Variants in CFAP263 observed in about 807,000 individuals in gnomAD.
The protein encoded by CFAP263 is cilia and flagella associated protein 263.
chr16:58,257,014 C>CTTTTTT, the CFAP263 span, among the ~76,000 whole-genome samples: 13 of 41,918 alleles, frequency 3.1e-4, 3 homozygotes, highest in African/African-American at 1.1e-3. Flanking sequence ...ATATGAATTT[C>CTTTTTT]TTTTTTTTTT....
chr16:58,279,917 GC>G, the CFAP263 span: 1 of 685,668 alleles, frequency 1.5e-6, no homozygotes, highest in Non-Finnish European at 2.4e-6. Flanking sequence ...CATCTCCTGG[GC>G]CACATCTGCC....
the CFAP263 span, among the ~76,000 whole-genome samples, chr16:58,267,185 TAGAGAGGTTCTGGGACCTCCCC>T: frequency 3.9e-5 from 6 of 152,152 alleles, no homozygotes; most frequent in Non-Finnish European, 8.8e-5. Flanking sequence ...GACCCAAGTT[TAGAGAGGTTCTGGGACCTCCCC>T]AGAGATCTCC....
the CFAP263 span, chr16:58,262,596 T>A: frequency 6.7e-7 from 1 of 1,498,542 alleles, no homozygotes; most frequent in South Asian, 1.3e-5. Flanking sequence ...CTCACCTTTC[T>A]GGCCACAGGG....
chr16:58,266,880 GA>G, the CFAP263 span, among the ~76,000 whole-genome samples: 1 of 152,192 alleles, frequency 6.6e-6, no homozygotes, highest in East Asian at 1.9e-4. Flanking sequence ...CTCGTTAGGC[GA>G]TGAGATGGTG....
At chr16:58,252,920 A>T in the CFAP263 span, 2 of 1,551,166 alleles carry the variant, frequency 1.3e-6, no homozygotes, top group African/African-American at 2.7e-5. Flanking sequence ...GTATTTGTTT[A>T]TCTGCCTTTG....
At chr16:58,280,553 A>G in the CFAP263 span, 1 of 1,614,176 alleles carries the variant, frequency 6.2e-7, no homozygotes, top group East Asian at 2.2e-5. Flanking sequence ...TGGTGGGAGA[A>G]AGAAATCAAC....
the CFAP263 span, among the ~76,000 whole-genome samples, chr16:58,261,793 A>G: frequency 1.3e-5 from 2 of 152,334 alleles, no homozygotes; most frequent in Admixed American, 6.5e-5. Flanking sequence ...GTTGTCTACC[A>G]CAGATATAAA....
the CFAP263 span, among the ~76,000 whole-genome samples, chr16:58,273,776 T>G: frequency 2.6e-5 from 4 of 152,182 alleles, no homozygotes; most frequent in Non-Finnish European, 5.9e-5. Context: ...TTAGGTGATA[T>G]AGGAATTCTT....
the CFAP263 span, among the ~76,000 whole-genome samples, chr16:58,275,167 G>T: frequency 2.0e-5 from 3 of 151,886 alleles, no homozygotes; most frequent in Admixed American, 2.0e-4. Context: ...TTAAATTATT[G>T]GTTTGTTTTA....
the CFAP263 span, among the ~76,000 whole-genome samples, chr16:58,263,264 T>G: frequency 6.6e-6 from 1 of 152,204 alleles, no homozygotes; most frequent in Non-Finnish European, 1.5e-5. Flanking sequence ...ATAACCAATT[T>G]GATTATAGAA....
the CFAP263 span, chr16:58,279,939 G>A: frequency 3.3e-3 from 2,108 of 645,216 alleles, 28 homozygotes; most frequent in African/African-American, 0.035. Flanking sequence ...CATGGGGAGT[G>A]TTTTCACAGC....
the CFAP263 span, among the ~76,000 whole-genome samples, chr16:58,253,439 G>A: frequency 6.6e-6 from 1 of 151,972 alleles, no homozygotes; most frequent in Non-Finnish European, 1.5e-5. Context: ...TGTTTACAAG[G>A]CCCAGCCAGC....
the CFAP263 span, chr16:58,279,555 C>G: frequency 1.5e-6 from 1 of 673,800 alleles, no homozygotes; most frequent in African/African-American, 1.8e-5. Flanking sequence ...CACGCTGCCC[C>G]ACACAGGGTT....
chr16:58,260,947 T>C, the CFAP263 span, among the ~76,000 whole-genome samples: 19 of 152,216 alleles, frequency 1.2e-4, no homozygotes, highest in East Asian at 3.5e-3. Flanking sequence ...TAAAGTCAGC[T>C]CAGGTGGTGG....
chr16:58,275,835 G>C, the CFAP263 span, among the ~76,000 whole-genome samples: 1 of 151,940 alleles, frequency 6.6e-6, no homozygotes, highest in African/African-American at 2.4e-5. Flanking sequence ...AATTAATTCA[G>C]GTATATCAGA....
the CFAP263 span, among the ~76,000 whole-genome samples, chr16:58,262,763 G>GTAGA: frequency 0.22 from 17,521 of 78,424 alleles, 1,165 homozygotes; most frequent in Middle Eastern, 0.29. Flanking sequence ...TAGATGATAG[G>GTAGA]TAGATAGATA....
At chr16:58,259,959 C>G in the CFAP263 span, 1 of 1,494,204 alleles carries the variant, frequency 6.7e-7, no homozygotes, top group Non-Finnish European at 9.2e-7. Context: ...TTCTCTCTCT[C>G]TCTGTTTCTT....
chr16:58,268,016 AAGAG>A, the CFAP263 span, among the ~76,000 whole-genome samples: 1 of 145,884 alleles, frequency 6.9e-6, no homozygotes, highest in African/African-American at 2.6e-5. Context: ...GAGAGAGAGA[AAGAG>A]AGAGAGAAGA....
chr16:58,270,986 T>C, the CFAP263 span, among the ~76,000 whole-genome samples: 2 of 152,232 alleles, frequency 1.3e-5, no homozygotes, highest in African/African-American at 4.8e-5. Context: ...CATGTTTATA[T>C]GTTATAGTTC....
Sources: gnomAD v4.1 joint callset for allele counts (sites outside exome capture counted in the v4.1 genomes callset) on GRCh38, gnomAD v4.1.1 for gene constraint, MANE v1.5 for transcripts, NCBI Gene and HGNC (gene_info 2026-07-23, HGNC 2026-07-21) for gene names.